FUT9: variants seen among roughly 807,000 people sequenced by gnomAD.
FUT9 encodes 4-galactosyl-N-acetylglucosaminide 3-alpha-L-fucosyltransferase 9.
Under a neutral mutation model 29.7 loss-of-function variants are expected in FUT9, and 15 were observed. The ratio of observed to expected loss-of-function variants is 0.51; its 90% CI spans 0.34 to 0.78. The LOEUF is 0.78. FUT9 is among the 30% of genes least tolerant of loss of function. FUT9 has a pLI of 0.01. For synonymous variants in FUT9, 169 were observed against 153.7 expected (o/e 1.10, Z -0.74); for missense variants, 319 against 425.4 (o/e 0.75, Z 2.20).
chr6:96,146,187 A>G (rs898757291), intron 2 of FUT9, among the ~76,000 whole-genome samples: 2 of 152,160 alleles, frequency 1.3e-5, no homozygotes, highest in African/African-American at 4.8e-5. Flanking sequence ...CACTGAACAG[A>G]AGAGACATGA....
chr6:96,023,961 G>A (rs187529443), intron 1 of FUT9, among the ~76,000 whole-genome samples: 13 of 151,930 alleles, frequency 8.6e-5, no homozygotes, highest in Admixed American at 5.9e-4. Flanking sequence ...TCCCAATTGT[G>A]ATAATCTCCC....
At chr6:96,084,946 T>A (rs559808273) in intron 1 of FUT9, among the ~76,000 whole-genome samples, 5 of 152,316 alleles carry the variant, frequency 3.3e-5, no homozygotes, top group African/African-American at 1.2e-4. Context: ...GCACCAAGTG[T>A]CATAAAGTAT....
At chr6:96,085,691 C>A (rs1013553808) in intron 1 of FUT9, among the ~76,000 whole-genome samples, 1 of 152,170 alleles carries the variant, frequency 6.6e-6, no homozygotes, top group Admixed American at 6.6e-5. Flanking sequence ...ATCATAAATT[C>A]AACTTCCCTT....
intron 1 of FUT9, among the ~76,000 whole-genome samples, chr6:96,069,764 C>T (rs1230833146): frequency 1.3e-5 from 2 of 151,654 alleles, no homozygotes; most frequent in African/African-American, 4.8e-5. Flanking sequence ...CCCTAGTAGC[C>T]GAACTACAGG....
intron 1 of FUT9, among the ~76,000 whole-genome samples, chr6:96,031,934 A>G (rs1330401501): frequency 1.3e-5 from 2 of 151,596 alleles, no homozygotes; most frequent in African/African-American, 4.8e-5. Flanking sequence ...AAAAATGACA[A>G]CTGAAAGATC....
chr6:96,032,576 A>C lies in FUT9; in HGVS notation c.-98+16364A>C, dbSNP rs992998277. Among the ~76,000 whole-genome samples the C allele has an allele frequency of 4.0e-5, 6 of 151,644 alleles. 1 individual carries two copies. The highest frequency in any genetic ancestry group is 3.3e-4 in the Admixed American group (5 of 15,160). On this transcript the variant is annotated intron_variant, in intron 1 of 2. Transcript: ENST00000302103. Reference sequence around the variant, plus strand: ...TTAAATTTTACTCTCCTAGATACCTAGTTGAAAAATATTCTTTGAAAATAT... The same window carrying C: ...TTAAATTTTACTCTCCTAGATACCTCGTTGAAAAATATTCTTTGAAAATAT...
At chr6:96,166,338 A>G (rs1025266919) in intron 2 of FUT9, among the ~76,000 whole-genome samples, 2 of 152,200 alleles carry the variant, frequency 1.3e-5, no homozygotes, top group Admixed American at 1.3e-4. Context: ...AGTTGTTCAA[A>G]CATTATCTTA....
intron 2 of FUT9, among the ~76,000 whole-genome samples, chr6:96,171,394 T>C (rs1773110105): frequency 6.6e-6 from 1 of 152,172 alleles, no homozygotes; most frequent in African/African-American, 2.4e-5. Flanking sequence ...AAGGCACTGT[T>C]GGGTTCCAAC....
At position 96,175,512 on chromosome 6, in the gene FUT9, G is replaced by A. The variant is rs146723968; in HGVS notation, c.-8-27636G>A. ...CAAATACCAAATATTATACCTATTC[G>A]GTGGCTAGCTGTGATACTTATGTAA... is the stretch of plus-strand genomic sequence containing the variant. On this transcript the variant is annotated intron_variant, in intron 2 of 2. Coordinates refer to ENST00000302103, the MANE Select transcript of FUT9 (RefSeq NM_006581.4). 2.2e-3 allele frequency among the ~76,000 whole-genome samples: 329 copies of A among 152,190 alleles called. 1 individual carries two copies. Among genetic ancestry groups the A allele is most frequent in the Non-Finnish European group, 3.6e-3 (242 of 68,010 alleles).
At chr6:96,060,963 G>A (rs915550610) in intron 1 of FUT9, among the ~76,000 whole-genome samples, 17 of 152,082 alleles carry the variant, frequency 1.1e-4, no homozygotes, top group African/African-American at 3.9e-4. Flanking sequence ...TAAATCTGTT[G>A]CCATTTTAGT....
At chr6:96,199,819 A>G (rs1773695943) in intron 2 of FUT9, among the ~76,000 whole-genome samples, 1 of 152,166 alleles carries the variant, frequency 6.6e-6, no homozygotes, top group South Asian at 2.1e-4. Context: ...GTTGAGATGC[A>G]GCAATTCACC....
At chr6:96,118,204 CAAAAAAA>C (rs71012538) in intron 2 of FUT9, among the ~76,000 whole-genome samples, 4 of 136,776 alleles carry the variant, frequency 2.9e-5, no homozygotes, top group Non-Finnish European at 3.1e-5. Context: ...GAGTCTGTCT[CAAAAAAA>C]AAAAAAAAAA....
chr6:96,107,632 CT>C (rs1334196828), intron 1 of FUT9, among the ~76,000 whole-genome samples: 1 of 152,138 alleles, frequency 6.6e-6, no homozygotes, highest in African/African-American at 2.4e-5. Flanking sequence ...TGTCAAACAT[CT>C]ATTATAACCA....
chr6:96,119,535 A>G (rs1187199014), intron 2 of FUT9, among the ~76,000 whole-genome samples: 1 of 152,194 alleles, frequency 6.6e-6, no homozygotes. Context: ...TTTACTTCAA[A>G]ATAATTATGT....
chr6:96,081,576 T>C (rs1180410636), intron 1 of FUT9, among the ~76,000 whole-genome samples: 3 of 151,804 alleles, frequency 2.0e-5, no homozygotes, highest in South Asian at 4.1e-4. Flanking sequence ...AAGATGATGG[T>C]TGTGGTTTTT....
chr6:96,139,583 C>A (rs1772423261), intron 2 of FUT9, among the ~76,000 whole-genome samples: 1 of 152,192 alleles, frequency 6.6e-6, no homozygotes, highest in African/African-American at 2.4e-5. Flanking sequence ...CCATGACCCT[C>A]CGCCCCTGCG....
At chr6:96,093,433 A>G (rs1349035074) in intron 1 of FUT9, among the ~76,000 whole-genome samples, 1 of 152,112 alleles carries the variant, frequency 6.6e-6, no homozygotes, top group Non-Finnish European at 1.5e-5. Flanking sequence ...GTGACAGGAT[A>G]TAGATACTAT....
At chr6:96,144,186 G>T (rs1170253329) in intron 2 of FUT9, among the ~76,000 whole-genome samples, 5 of 150,390 alleles carry the variant, frequency 3.3e-5, no homozygotes, top group Non-Finnish European at 7.4e-5. Flanking sequence ...TCCTGCTTTT[G>T]GGGGAAGTTA....
At chr6:96,120,043 CT>C (rs1009341667) in intron 2 of FUT9, among the ~76,000 whole-genome samples, 29 of 152,004 alleles carry the variant, frequency 1.9e-4, no homozygotes, top group Non-Finnish European at 2.2e-4. Flanking sequence ...CATTTGTTAT[CT>C]GTTACAATAC....
Sources: allele counts gnomAD v4.1 joint callset (sites outside exome capture counted in the v4.1 genomes callset), GRCh38; gene constraint gnomAD v4.1.1; transcripts MANE v1.5; gene names NCBI Gene and HGNC (gene_info 2026-07-23, HGNC 2026-07-21).